Variants in SEZ6L observed in about 807,000 individuals in gnomAD.
SEZ6L encodes the protein seizure 6-like protein.
A neutral mutation model predicts 106.2 loss-of-function variants in SEZ6L; 37 were observed. The observed-to-expected ratio is 0.35, with a 90% CI of 0.27 to 0.46. The LOEUF is 0.46. Among genes scored for constraint, SEZ6L ranks in the 20% least tolerant of loss-of-function variants. The pLI, the probability that SEZ6L is intolerant of heterozygous loss-of-function variation, is 1.00. For missense variants in SEZ6L, 1,172 were observed against 1,332.8 expected (o/e 0.88, Z 1.88); for synonymous variants, 541 against 570.4 (o/e 0.95, Z 0.73).
intron 11 of SEZ6L, among the ~76,000 whole-genome samples, chr22:26,348,513 A>AGAAGGAAGGAAGGAAG (rs200858250): frequency 9.9e-4 from 33 of 33,168 alleles, no homozygotes; most frequent in African/African-American, 5.5e-3. Context: ...TGGGAGAGAG[A>AGAAGGAAGGAAGGAAG]GAAGGAAGGA....
chr22:26,218,951 A>T (rs2078376547), intron 1 of SEZ6L, among the ~76,000 whole-genome samples: 1 of 152,218 alleles, frequency 6.6e-6, no homozygotes, highest in Non-Finnish European at 1.5e-5. Flanking sequence ...AAAAAAGAAA[A>T]GAAAAGAAAC....
chr22:26,171,007 A>G (rs1410447720), intron 1 of SEZ6L, among the ~76,000 whole-genome samples: 1 of 152,170 alleles, frequency 6.6e-6, no homozygotes. Context: ...TCTCAGCTCC[A>G]TGGGCCCTGG....
chr22:26,240,677 A>C (rs961374270), intron 1 of SEZ6L, among the ~76,000 whole-genome samples: 2 of 152,124 alleles, frequency 1.3e-5, no homozygotes, highest in African/African-American at 4.8e-5. Context: ...TGGAGCACCT[A>C]CTGTGTGCCA....
chr22:26,326,578 T>C (rs1402344393), intron 9 of SEZ6L, among the ~76,000 whole-genome samples: 2 of 152,202 alleles, frequency 1.3e-5, no homozygotes, highest in Admixed American at 6.5e-5. Flanking sequence ...ATGAGGACAG[T>C]GATCCTCCTC....
chr22:26,248,053 CAA>C (rs1452315724), intron 1 of SEZ6L, among the ~76,000 whole-genome samples: 2 of 152,160 alleles, frequency 1.3e-5, no homozygotes, highest in Non-Finnish European at 2.9e-5. Context: ...CCAGACTGGA[CAA>C]AGAGTTCAGG....
At chr22:26,267,995 T>C (rs1464013788) in intron 1 of SEZ6L, among the ~76,000 whole-genome samples, 2 of 152,216 alleles carry the variant, frequency 1.3e-5, no homozygotes, top group Non-Finnish European at 2.9e-5. Flanking sequence ...GAAACTGAAT[T>C]CATACACATG....
intron 1 of SEZ6L, among the ~76,000 whole-genome samples, chr22:26,187,624 A>G (rs1175010474): frequency 1.3e-5 from 2 of 152,194 alleles, no homozygotes; most frequent in Admixed American, 6.5e-5. Flanking sequence ...TTGCTCCCCC[A>G]TAGTGTCTAG....
At chr22:26,347,629 T>TC in intron 10 of SEZ6L, 90 bp from the exon 11 acceptor site, 5 of 1,104,558 alleles carry the variant, frequency 4.5e-6, no homozygotes, top group Non-Finnish European at 3.8e-6. Flanking sequence ...GGCTTTTTTT[T>TC]CTCTTCGCTC....
intron 1 of SEZ6L, among the ~76,000 whole-genome samples, chr22:26,213,265 A>C (rs890710969): frequency 6.6e-6 from 1 of 152,228 alleles, no homozygotes; most frequent in Non-Finnish European, 1.5e-5. Context: ...TCCACATGAG[A>C]GCATTAGAGA....
intron 14 of SEZ6L, among the ~76,000 whole-genome samples, 155 bp downstream of exon 14, chr22:26,373,638 GA>G (rs527344859): frequency 9.2e-5 from 14 of 152,010 alleles, no homozygotes; most frequent in South Asian, 4.2e-4. Context: ...TATTGTAGGG[GA>G]AAAAAAATTA....
chr22:26,379,247 G>A (rs1450107193), intron 16 of SEZ6L, among the ~76,000 whole-genome samples: 3 of 152,218 alleles, frequency 2.0e-5, no homozygotes, highest in African/African-American at 7.2e-5. Context: ...CTTCTTCAGA[G>A]CCAGCAACAG....
In SEZ6L at chr22:26,297,032, C is replaced by A; in HGVS notation, c.1114C>A (p.Arg372=). ...CACCAACACCATCTCCGTCTACTTC[C>A]GGACCTTCCAGGACGACGGCCTTGG... ...SPTNTISVYF[R]TFQDDGLGTF... is the part of the protein sequence containing the mutation. The change falls in exon 4 of 17, where the codon CGG becomes AGG. Residue 372 remains arginine (R), a synonymous_variant. Coordinates refer to ENST00000248933, the MANE Select transcript of SEZ6L (RefSeq NM_021115.5). 1 of 1,614,042 alleles carries A rather than the reference C, an allele frequency of 6.2e-7. No homozygotes were observed. Among genetic ancestry groups the A allele is most frequent in the Non-Finnish European group, 8.5e-7 (1 of 1,179,970 alleles).
Position 26,292,921 on chromosome 22 carries a change from C to G in SEZ6L, c.610C>G (p.Pro204Ala). The G allele has an allele frequency of 1.2e-6, 2 of 1,614,198 alleles. No individual in the cohort carries two copies. Among genetic ancestry groups the G allele is most frequent in the Non-Finnish European group, 1.7e-6 (2 of 1,180,026 alleles). Residue 204 changes from proline to alanine, a missense_variant, in exon 2 of 17, where the codon CCC (proline) becomes GCC (alanine). Around this residue, in one of 4 missense-constraint regions of SEZ6L, gnomAD observed 494 missense variants for 445.8 expected, o/e 1.11. Coordinates refer to ENST00000248933, the MANE Select transcript of SEZ6L (RefSeq NM_021115.5). ...AACACCCGCACCCCTGCAAATCTCC[C>G]CCTTCACTTCGCAGCCCTATGTGGC... ...PTTPAPLQIS[P>A]FTSQPYVAHT... is the part of the protein sequence containing the mutation.
chr22:26,377,226 A>T (rs1203680292), intron 15 of SEZ6L, among the ~76,000 whole-genome samples: 1 of 152,180 alleles, frequency 6.6e-6, no homozygotes, highest in Admixed American at 6.5e-5. Flanking sequence ...CAGTGAGCTG[A>T]GATGGCACCA....
intron 1 of SEZ6L, among the ~76,000 whole-genome samples, chr22:26,198,094 T>C (rs1940696770): frequency 6.6e-6 from 1 of 152,210 alleles, no homozygotes; most frequent in African/African-American, 2.4e-5. Context: ...CAATTATCCA[T>C]CTCTTTGCTC....
At chr22:26,324,036 G>A (rs1203022924) in intron 9 of SEZ6L, among the ~76,000 whole-genome samples, 1 of 148,336 alleles carries the variant, frequency 6.7e-6, no homozygotes, top group Non-Finnish European at 1.5e-5. Context: ...CTTGAACCCA[G>A]GTCTCTAAGA....
chr22:26,237,926 C>T (rs543716730), intron 1 of SEZ6L, among the ~76,000 whole-genome samples: 4 of 152,238 alleles, frequency 2.6e-5, no homozygotes, highest in East Asian at 1.9e-4. Flanking sequence ...GCTGAGTTCC[C>T]GTTTGTCCCC....
intron 1 of SEZ6L, among the ~76,000 whole-genome samples, chr22:26,171,651 A>G (rs1046282442): frequency 6.6e-6 from 1 of 152,122 alleles, no homozygotes; most frequent in Non-Finnish European, 1.5e-5. Flanking sequence ...ATTTCATACT[A>G]TTTTTCCAAC....
chr22:26,380,163 G>A (rs1344948538), intron 16 of SEZ6L, 103 bp from the exon 17 acceptor site: 13 of 1,128,938 alleles, frequency 1.2e-5, no homozygotes, highest in Middle Eastern at 2.0e-4. Flanking sequence ...GAAAAGTCAC[G>A]ACCAAGGGCA....
Sources: gnomAD v4.1 joint callset for allele counts (sites outside exome capture counted in the v4.1 genomes callset) on GRCh38, gnomAD v4.1.1 for gene constraint, gnomAD v4.1.1 regional missense constraint, MANE v1.5 for transcripts, NCBI Gene and HGNC (gene_info 2026-07-23, HGNC 2026-07-21) for gene names.